Variants in PKNOX2 observed in about 807,000 individuals in gnomAD.
The protein encoded by PKNOX2 is homeobox protein PKNOX2.
Under a neutral mutation model 53.1 loss-of-function variants are expected in PKNOX2, and 14 were observed. The ratio of observed to expected loss-of-function variants is 0.26; its 90% CI spans 0.17 to 0.41. The LOEUF (loss-of-function observed/expected upper bound fraction) is 0.41, where lower values mean the gene tolerates loss of function less well. Among genes scored for constraint, PKNOX2 ranks in the 10% least tolerant of loss-of-function variants. PKNOX2 has a pLI of 1.00. For missense variants in PKNOX2, 496 were observed against 602.8 expected, an observed-to-expected ratio of 0.82 and a Z score of 1.85; for synonymous variants, 257 against 242.8, an observed-to-expected ratio of 1.06 and a Z score of -0.54.
intron 6 of PKNOX2, among the ~76,000 whole-genome samples, chr11:125,389,080 A>G (rs1044490572): frequency 3.9e-5 from 6 of 152,174 alleles, no homozygotes; most frequent in Non-Finnish European, 5.9e-5. Context: ...CTGTAATCAC[A>G]ACTCCTCAGG....
At chr11:125,395,674 T>C (rs1484476448) in intron 6 of PKNOX2, among the ~76,000 whole-genome samples, 2 of 152,226 alleles carry the variant, frequency 1.3e-5, no homozygotes, top group Non-Finnish European at 2.9e-5. Context: ...CCCTAGTGAC[T>C]AATGACATTG....
intron 10 of PKNOX2, among the ~76,000 whole-genome samples, chr11:125,419,183 G>A (rs1281700984): frequency 1.3e-5 from 2 of 151,940 alleles, no homozygotes; most frequent in African/African-American, 2.4e-5. Context: ...CTAGCTTGGC[G>A]AGCTTGGGTG....
chr11:125,209,259 G>C (rs1277766664), intron 1 of PKNOX2, among the ~76,000 whole-genome samples: 1 of 152,084 alleles, frequency 6.6e-6, no homozygotes, highest in Non-Finnish European at 1.5e-5. Flanking sequence ...GCAGGGCCAA[G>C]AAGTGTCACA....
chr11:125,293,766 C>G (rs1248194415), intron 2 of PKNOX2, among the ~76,000 whole-genome samples: 1 of 151,516 alleles, frequency 6.6e-6, no homozygotes, highest in Non-Finnish European at 1.5e-5. Flanking sequence ...CACACCCACA[C>G]TCACATACTG....
At chr11:125,184,230 A>T (rs971505299) in intron 1 of PKNOX2, 1 of 152,258 alleles carries the variant, frequency 6.6e-6, no homozygotes, top group Non-Finnish European at 1.5e-5. Context: ...CTCTCAGAGG[A>T]AGGACAGACT....
At chr11:125,353,111 G>A (rs1951407170) in intron 4 of PKNOX2, among the ~76,000 whole-genome samples, 1 of 152,178 alleles carries the variant, frequency 6.6e-6, no homozygotes, top group South Asian at 2.1e-4. Context: ...ATTAAGTGGT[G>A]GGAACGTGGG....
At chr11:125,398,144 G>A (rs1954524354) in intron 7 of PKNOX2, 82 bp downstream of exon 7, 1 of 1,434,094 alleles carries the variant, frequency 7.0e-7, no homozygotes, top group South Asian at 1.4e-5. Context: ...AAGGTCCCCT[G>A]GTGACCTTCA....
At chr11:125,253,523 C>T (rs1377705188) in intron 2 of PKNOX2, among the ~76,000 whole-genome samples, 1 of 152,126 alleles carries the variant, frequency 6.6e-6, no homozygotes, top group Non-Finnish European at 1.5e-5. Context: ...GTGCAAATGC[C>T]ACCGATGGTC....
chr11:125,279,242 G>A (rs776154647), intron 2 of PKNOX2, among the ~76,000 whole-genome samples: 3 of 152,184 alleles, frequency 2.0e-5, no homozygotes, highest in Non-Finnish European at 4.4e-5. Context: ...GTTGTGCCTG[G>A]ACCTCTCAGA....
intron 1 of PKNOX2, among the ~76,000 whole-genome samples, chr11:125,171,657 G>C (rs1451521018): frequency 1.3e-5 from 2 of 152,202 alleles, no homozygotes; most frequent in Non-Finnish European, 2.9e-5. Flanking sequence ...TGATCCAGTT[G>C]GAGGATTACC....
At position 125,165,132 on chromosome 11, in the gene PKNOX2, G is replaced by A. The variant is rs1217748076; in HGVS notation, c.-201+356G>A. ...CCGCGGGCCGCCCGCTCCCCTGCCC[G>A]GCCAGCGCTCAGCCCCGCCGCCGCC... is the stretch of plus-strand genomic sequence containing the variant. On this transcript the variant is annotated intron_variant, in intron 1 of 12. Transcript: ENST00000298282. The surrounding 1 kb of genome is among the most constrained non-coding windows in gnomAD (Gnocchi z 4.5). Among the ~76,000 whole-genome samples the A allele has an allele frequency of 2.0e-5, 3 of 148,498 alleles. No homozygotes were observed. The East Asian group carries it at 5.9e-4, about 29-fold the overall frequency.
intron 1 of PKNOX2, among the ~76,000 whole-genome samples, chr11:125,227,091 G>A (rs1396918969): frequency 2.0e-5 from 3 of 151,914 alleles, no homozygotes; most frequent in African/African-American, 4.8e-5. Flanking sequence ...GCATATATAC[G>A]TATTTTTAAA....
chr11:125,263,627 C>T (rs558818006), intron 2 of PKNOX2, among the ~76,000 whole-genome samples: 1 of 152,326 alleles, frequency 6.6e-6, no homozygotes, highest in Non-Finnish European at 1.5e-5. Context: ...AGGAGCAGCG[C>T]GGGAGGGGGA....
chr11:125,330,945 G>A (rs1212105641), intron 2 of PKNOX2, among the ~76,000 whole-genome samples: 3 of 152,166 alleles, frequency 2.0e-5, no homozygotes, highest in African/African-American at 4.8e-5. Flanking sequence ...CGTAGGGCAG[G>A]CCCTCCTGGC....
chr11:125,371,950 G>A (rs1952574906), intron 5 of PKNOX2, among the ~76,000 whole-genome samples: 1 of 152,172 alleles, frequency 6.6e-6, no homozygotes, highest in South Asian at 2.1e-4. Context: ...AACTGTGTTA[G>A]CATTTGTGTC....
intron 5 of PKNOX2, among the ~76,000 whole-genome samples, chr11:125,381,098 C>T (rs901711149): frequency 3.3e-5 from 5 of 152,130 alleles, no homozygotes; most frequent in African/African-American, 1.2e-4. Context: ...CAGGTATCCC[C>T]ATGCATGAGG....
chr11:125,351,472 A>G (rs1312297437), intron 4 of PKNOX2, 80 bp downstream of exon 4: 1 of 927,844 alleles, frequency 1.1e-6, no homozygotes, highest in African/African-American at 1.6e-5. Flanking sequence ...AGGCTGGGAC[A>G]TTCCAGGGGC....
intron 2 of PKNOX2, among the ~76,000 whole-genome samples, chr11:125,317,830 T>C (rs750057293): frequency 3.3e-5 from 5 of 152,214 alleles, no homozygotes; most frequent in Non-Finnish European, 7.3e-5. Flanking sequence ...AAAGTCAACC[T>C]GTTTTTTTGT....
intron 3 of PKNOX2, among the ~76,000 whole-genome samples, chr11:125,340,818 G>A (rs1950643596): frequency 6.6e-6 from 1 of 152,124 alleles, no homozygotes; most frequent in African/African-American, 2.4e-5. Flanking sequence ...TTGGGAGGCC[G>A]AAGTGGGTGG....
Sources: allele counts gnomAD v4.1 joint callset (sites outside exome capture counted in the v4.1 genomes callset), GRCh38; gene constraint gnomAD v4.1.1; non-coding constraint Gnocchi (gnomAD v3.1); transcripts MANE v1.5; gene names NCBI Gene and HGNC (gene_info 2026-07-23, HGNC 2026-07-21).